The following PCDHA6 variants were observed in gnomAD, a reference collection of about 807,000 sequenced individuals.
PCDHA6 encodes the protein protocadherin alpha 6.
PCDHA6 carries 55 observed loss-of-function variants against 60.3 expected under a neutral mutation model. That is an observed-to-expected ratio of 0.91 (90% CI 0.73 to 1.14). The LOEUF is 1.14. Ranked by LOEUF, PCDHA6 falls within the 50% of genes most tolerant of loss-of-function variation. PCDHA6 has a pLI of 0.00. For missense variants in PCDHA6, 1,327 were observed against 1,256.5 expected (o/e 1.06, Z -0.85); for synonymous variants, 652 against 557.9 (o/e 1.17, Z -2.38).
At chr5:140,839,904 A>G (rs2150301613) in intron 1 of PCDHA6, among the ~76,000 whole-genome samples, 18 of 152,076 alleles carry the variant, frequency 1.2e-4, no homozygotes, top group African/African-American at 4.3e-4. Context: ...AAGATGAAGT[A>G]ATAGAAGAAA....
chr5:140,948,943 A>G (rs2094326850), intron 1 of PCDHA6, among the ~76,000 whole-genome samples: 1 of 71,272 alleles, frequency 1.4e-5, no homozygotes, highest in African/African-American at 4.3e-5. Context: ...CTTCTAATAT[A>G]AAAAAATTAA....
chr5:140,957,937 A>G (rs2095399590), intron 1 of PCDHA6, among the ~76,000 whole-genome samples: 1 of 152,112 alleles, frequency 6.6e-6, no homozygotes, highest in Admixed American at 6.5e-5. Flanking sequence ...AAATAATTTA[A>G]AGATCTTTAA....
intron 1 of PCDHA6, among the ~76,000 whole-genome samples, chr5:140,922,964 GTGGCA>G (rs1293947003): frequency 6.6e-6 from 1 of 152,186 alleles, no homozygotes; most frequent in East Asian, 1.9e-4. Context: ...TCTTCAGCCA[GTGGCA>G]TATCTCAGAC....
At chr5:140,982,608 T>G (rs782789536) in intron 3 of PCDHA6, 45 bp downstream of exon 3, 2 of 1,601,306 alleles carry the variant, frequency 1.2e-6, no homozygotes, top group South Asian at 2.2e-5. Flanking sequence ...TTCTGGAAAG[T>G]GATCAGATGA....
At chr5:140,968,813 A>G (rs1554231120) in intron 1 of PCDHA6, 1 of 1,614,194 alleles carries the variant, frequency 6.2e-7, no homozygotes, top group South Asian at 1.1e-5. Context: ...TGTGGTGGAT[A>G]GGGTTTCCAA....
chr5:140,903,550 C>T lies in PCDHA6; in HGVS notation c.2394+73065C>T, dbSNP rs139225982. 2.6e-3 allele frequency among the ~76,000 whole-genome samples: 396 copies of T among 152,250 alleles called. 2 individuals carry two copies. The highest frequency in any genetic ancestry group is 9.3e-3 in the African/African-American group (385 of 41,564). The stretch of plus-strand genomic sequence containing the variant: ...CTTTAAACTAGAGCAAGAAACTTTT[C>T]TAATAAGTGGAATTGGGAGCTGTCT... On this transcript the variant is annotated intron_variant, in intron 1 of 3. Transcript: ENST00000529310.
intron 1 of PCDHA6, among the ~76,000 whole-genome samples, chr5:140,837,977 C>T (rs1377931639): frequency 6.6e-6 from 1 of 151,682 alleles, no homozygotes; most frequent in Non-Finnish European, 1.5e-5. Flanking sequence ...CCACACCCAG[C>T]CTGCCTTTCA....
chr5:140,928,226 T>G, intron 1 of PCDHA6: 1 of 1,614,178 alleles, frequency 6.2e-7, no homozygotes, highest in African/African-American at 1.3e-5. Context: ...ACACCAAACT[T>G]TCCTCAACCC....
intron 2 of PCDHA6, among the ~76,000 whole-genome samples, chr5:140,981,116 A>G (rs533489885): frequency 6.6e-6 from 1 of 152,344 alleles, no homozygotes; most frequent in African/African-American, 2.4e-5. Flanking sequence ...TCTACTGGAT[A>G]TGTTGTTTGA....
At chr5:141,005,574 T>C (rs567844252) in intron 3 of PCDHA6, among the ~76,000 whole-genome samples, 58 of 150,842 alleles carry the variant, frequency 3.8e-4, no homozygotes, top group Non-Finnish European at 7.5e-4. Flanking sequence ...TGGTGGCGCG[T>C]GCCTGTAGTC....
chr5:140,835,158 A>G, intron 1 of PCDHA6: 1 of 1,455,544 alleles, frequency 6.9e-7, no homozygotes, highest in Non-Finnish European at 9.3e-7. Context: ...TTCTATCGGA[A>G]CGCTGGTGAT....
chr5:140,929,413 A>G, intron 1 of PCDHA6: 1 of 1,505,438 alleles, frequency 6.6e-7, no homozygotes, highest in Non-Finnish European at 8.9e-7. Context: ...AGCCTTTCAC[A>G]ACATTTCATC....
intron 1 of PCDHA6, among the ~76,000 whole-genome samples, chr5:140,892,982 A>G (rs1430280813): frequency 2.0e-5 from 3 of 152,238 alleles, no homozygotes; most frequent in Non-Finnish European, 4.4e-5. Context: ...TAGCTGCCGT[A>G]TAAGTGAGAA....
At position 140,945,888 on chromosome 5, in the gene PCDHA6, C is replaced by T. The variant is rs117232601; in HGVS notation, c.2395-33061C>T. Among the ~76,000 whole-genome samples, 21 of 152,006 alleles carry T rather than the reference C, an allele frequency of 1.4e-4. No homozygotes were observed. The East Asian group carries it at 2.9e-3, about 21-fold the overall frequency. On this transcript the variant is annotated intron_variant, in intron 1 of 3. Transcript: ENST00000529310. Reference sequence around the variant, plus strand: ...GAAATTGTAAAACTAACAAAGAAAACACAGTGGGAAAGATGAAAGATCAAT... The same window carrying T: ...GAAATTGTAAAACTAACAAAGAAAATACAGTGGGAAAGATGAAAGATCAAT...
intron 2 of PCDHA6, among the ~76,000 whole-genome samples, chr5:140,981,681 C>T (rs1187108666): frequency 6.6e-6 from 1 of 152,064 alleles, no homozygotes; most frequent in Non-Finnish European, 1.5e-5. Context: ...TTCCTTCCTC[C>T]CTTCCATCAT....
rs1581152641 is a variant in PCDHA6, at chr5:140,848,515, G to A, written c.2394+18030G>A. ...TTTGAAATGTTATACTCAAGTCGAG[G>A]AGATCCAGAGGGTCAGCCTCTACTG... On this transcript the variant is annotated intron_variant, in intron 1 of 3. Coordinates refer to ENST00000529310, the MANE Select transcript of PCDHA6 (RefSeq NM_018909.4). The A allele has an allele frequency of 1.9e-6, 3 of 1,590,864 alleles. No individual in the cohort carries two copies. In the African/African-American group the frequency reaches 4.0e-5, roughly 21 times the overall value.
intron 1 of PCDHA6, among the ~76,000 whole-genome samples, chr5:140,872,031 C>A (rs1383565952): frequency 6.6e-6 from 1 of 152,220 alleles, no homozygotes; most frequent in Non-Finnish European, 1.5e-5. Context: ...AACTGCTAAG[C>A]TCAAAGAATT....
intron 1 of PCDHA6, among the ~76,000 whole-genome samples, chr5:140,971,680 A>C (rs185214999): frequency 1.1e-4 from 17 of 152,268 alleles, no homozygotes; most frequent in African/African-American, 4.1e-4. Context: ...AGAGTAAGGG[A>C]ATTTGTACTC....
chr5:140,898,284 T>C (rs2066636432), intron 1 of PCDHA6, among the ~76,000 whole-genome samples: 1 of 152,254 alleles, frequency 6.6e-6, no homozygotes, highest in South Asian at 2.1e-4. Flanking sequence ...TTCTGAATGG[T>C]AATGCCTAGG....
Sources: gnomAD v4.1 joint callset for allele counts (sites outside exome capture counted in the v4.1 genomes callset) on GRCh38, gnomAD v4.1.1 for gene constraint, MANE v1.5 for transcripts, NCBI Gene and HGNC (gene_info 2026-07-23, HGNC 2026-07-21) for gene names.